Variants in CD109 observed in about 807,000 individuals in gnomAD.
CD109 encodes CD109 antigen.
In CD109, 149 loss-of-function variants were observed where a neutral mutation model predicts 165.8. The observed-to-expected ratio is 0.90, with a 90% CI of 0.79 to 1.03. CD109 has a LOEUF of 1.03. Among genes scored for constraint, CD109 ranks in the 50% least tolerant of loss-of-function variants. CD109 has a pLI of 0.00. For missense variants in CD109, 1,712 were observed against 1,677.8 expected, an observed-to-expected ratio of 1.02 and a Z score of -0.36; for synonymous variants, 585 against 592.1, an observed-to-expected ratio of 0.99 and a Z score of 0.18.
At chr6:73,782,587 C>G in intron 17 of CD109, 27 bp from the exon 18 acceptor site, 1 of 1,599,688 alleles carries the variant, frequency 6.3e-7, no homozygotes, top group Non-Finnish European at 8.5e-7. Flanking sequence ...GACTGTTTTT[C>G]TAACTACTGT....
intron 23 of CD109, among the ~76,000 whole-genome samples, chr6:73,802,477 T>G (rs1342434611): frequency 6.6e-6 from 1 of 151,738 alleles, no homozygotes; most frequent in Non-Finnish European, 1.5e-5. Flanking sequence ...AAAATACTTT[T>G]ATTTTCTACT....
At position 73,771,556 on chromosome 6, in the gene CD109, C is replaced by A. The variant is rs372225206; in HGVS notation, c.1802C>A (p.Ala601Asp). The change falls in exon 15 of 33, where the codon GCC becomes GAC. Residue 601 changes from alanine to aspartate, a missense_variant. Physicochemically the swap from Ala to Asp is moderately radical, Grantham distance 126. Coordinates refer to ENST00000287097, the MANE Select transcript of CD109 (RefSeq NM_133493.5). ...GACAAAAGTGTGAATCTGATGAATG[C>A]CTCTAATGATATTACAATGGAAAAT... ...AVDKSVNLMN[A>D]SNDITMENVV... is the part of the protein sequence containing the mutation. The A allele has an allele frequency of 6.3e-7, 1 of 1,593,634 alleles. No individual in the cohort carries two copies. Among genetic ancestry groups the A allele is most frequent in the East Asian group, 2.3e-5 (1 of 44,088 alleles).
At chr6:73,763,108 A>AT (rs1040859042) in intron 9 of CD109, among the ~76,000 whole-genome samples, 68 of 151,790 alleles carry the variant, frequency 4.5e-4, no homozygotes, top group Middle Eastern at 3.4e-3. Context: ...GCTCTTCTTA[A>AT]TTTTTTTTTC....
chr6:73,682,825 G>A, the CD109 span, among the ~76,000 whole-genome samples: 105 of 152,336 alleles, frequency 6.9e-4, no homozygotes, highest in African/African-American at 2.4e-3. Flanking sequence ...AACACCACAT[G>A]GAAGCTGCCA....
At chr6:73,710,677 C>T (rs1242015472) in intron 2 of CD109, among the ~76,000 whole-genome samples, 2 of 152,090 alleles carry the variant, frequency 1.3e-5, no homozygotes, top group African/African-American at 4.8e-5. Context: ...GGCATGAGTC[C>T]AAGTCTCCCT....
At chr6:73,799,768 A>G (rs933745180) in intron 23 of CD109, among the ~76,000 whole-genome samples, 8 of 152,014 alleles carry the variant, frequency 5.3e-5, no homozygotes, top group African/African-American at 7.3e-5. Context: ...TATACCAGTA[A>G]CCTACTTCAT....
At chr6:73,758,886 AC>A (rs1464505940) in intron 6 of CD109, 57 bp from the exon 7 acceptor site, 4 of 864,872 alleles carry the variant, frequency 4.6e-6, no homozygotes, top group Non-Finnish European at 7.7e-6. Flanking sequence ...TAAAAGATTT[AC>A]CCTTGCTTCT....
chr6:73,685,915 T>C, the CD109 span, among the ~76,000 whole-genome samples: 1 of 152,258 alleles, frequency 6.6e-6, no homozygotes, highest in South Asian at 2.1e-4. Flanking sequence ...TTTGTATTTC[T>C]TTTTCTTTGC....
chr6:73,723,037 A>C, intron 2 of CD109: 1 of 734,594 alleles, frequency 1.4e-6, no homozygotes, highest in Non-Finnish European at 1.7e-6. Flanking sequence ...TTGCCCACTG[A>C]TACCCTTTTA....
At chr6:73,796,771 G>T (rs561379061) in intron 23 of CD109, among the ~76,000 whole-genome samples, 2 of 152,282 alleles carry the variant, frequency 1.3e-5, no homozygotes, top group East Asian at 3.9e-4. Context: ...GCACTAATGG[G>T]TCGACCTGGC....
At chr6:73,685,509 T>C in the CD109 span, among the ~76,000 whole-genome samples, 1 of 152,214 alleles carries the variant, frequency 6.6e-6, no homozygotes, top group African/African-American at 2.4e-5. Flanking sequence ...GTTCTAACTT[T>C]TTTTTTGTAT....
intron 17 of CD109, among the ~76,000 whole-genome samples, chr6:73,781,836 C>CACACACACACACACA (rs386359122): frequency 2.3e-4 from 14 of 62,084 alleles, no homozygotes; most frequent in African/African-American, 7.9e-4. Context: ...CACACACACA[C>CACACACACACACACA]CCCTCATCAA....
intron 2 of CD109, among the ~76,000 whole-genome samples, chr6:73,699,963 T>A (rs1428144376): frequency 6.6e-6 from 1 of 152,208 alleles, no homozygotes; most frequent in Non-Finnish European, 1.5e-5. Context: ...CTTCTCCAGT[T>A]GTAACAATAT....
intron 15 of CD109, among the ~76,000 whole-genome samples, chr6:73,772,536 A>G (rs532398337): frequency 2.7e-5 from 4 of 150,710 alleles, no homozygotes; most frequent in Non-Finnish European, 5.9e-5. Flanking sequence ...AAAAAATTAC[A>G]GTTCCCATTG....
chr6:73,765,850 T>G, intron 10 of CD109, 80 bp from the exon 11 acceptor site: 2 of 1,032,708 alleles, frequency 1.9e-6, no homozygotes, highest in Non-Finnish European at 2.9e-6. Flanking sequence ...TTCAATTTCA[T>G]GAGAATACTA....
rs141360092 is a variant in CD109 at position 73,812,077 on chromosome 6, G to A, written c.3703-128G>A. The A allele has an allele frequency of 8.1e-5, 49 of 603,358 alleles. No homozygotes were observed. In the African/African-American group the frequency reaches 8.4e-4, roughly 10 times the overall value. The allele number at this position is 603,358 out of a possible 1,614,324, so 37.4% of individuals were successfully genotyped here. On this transcript the variant is annotated intron_variant, in intron 28 of 32. Transcript: ENST00000287097. ...CATAGCTTTTGATATGTGAGACAGT[G>A]CAAAGCTCTTAGTGCTGTCAGTGAT...
rs1237261813 is a variant in CD109 at position 73,803,528 on chromosome 6, TG to T, written c.2960+228del. 4.7e-4 allele frequency among the ~76,000 whole-genome samples: 71 copies of T among 151,662 alleles called. 1 individual carries two copies. The highest frequency in any genetic ancestry group is 1.6e-3 in the African/African-American group (68 of 41,360). The stretch of plus-strand genomic sequence containing the variant: ...GATAAGTTATAAATCCTCTTTTTTG[TG>T]TGTGTGTGTGTGTGGAAGAAACAGA... On this transcript the variant is annotated intron_variant, in intron 24 of 32. Coordinates refer to ENST00000287097, the MANE Select transcript of CD109 (RefSeq NM_133493.5).
chr6:73,820,931 A>G (rs1196827207), intron 32 of CD109, among the ~76,000 whole-genome samples: 1 of 152,146 alleles, frequency 6.6e-6, no homozygotes, highest in Admixed American at 6.6e-5. Flanking sequence ...CCAGCTTTAA[A>G]ATGGGAGTTC....
intron 2 of CD109, among the ~76,000 whole-genome samples, chr6:73,720,905 C>T (rs1317887428): frequency 6.6e-6 from 1 of 152,170 alleles, no homozygotes; most frequent in Non-Finnish European, 1.5e-5. Flanking sequence ...GTTTGGTAGA[C>T]TCAGGTTGAT....
Sources: gnomAD v4.1 joint callset for allele counts (sites outside exome capture counted in the v4.1 genomes callset) on GRCh38, gnomAD v4.1.1 for gene constraint, MANE v1.5 for transcripts, NCBI Gene and HGNC (gene_info 2026-07-23, HGNC 2026-07-21) for gene names.